The following CADM1 variants were observed in gnomAD, a reference collection of about 807,000 sequenced individuals.
CADM1 encodes the protein TSLC-1.
Under a neutral mutation model 53.1 loss-of-function variants are expected in CADM1, and 15 were observed. The observed-to-expected ratio is 0.28, with a 90% confidence interval of 0.19 to 0.44. The LOEUF (loss-of-function observed/expected upper bound fraction) is 0.44. Among genes scored for constraint, CADM1 ranks in the 20% least tolerant of loss-of-function variants. The pLI is 1.00. For synonymous variants in CADM1, 281 were observed against 243.0 expected (o/e 1.16, Z -1.45); for missense variants, 434 against 611.3 (o/e 0.71, Z 3.06).
At chr11:115,245,229 T>A (rs1942371945) in intron 1 of CADM1, among the ~76,000 whole-genome samples, 1 of 152,170 alleles carries the variant, frequency 6.6e-6, no homozygotes, top group African/African-American at 2.4e-5. Flanking sequence ...TTCTGCTCTA[T>A]GGAAGACTGA....
At chr11:115,266,497 G>A (rs1943144933) in intron 1 of CADM1, among the ~76,000 whole-genome samples, 1 of 152,220 alleles carries the variant, frequency 6.6e-6, no homozygotes, top group South Asian at 2.1e-4. Flanking sequence ...GGGCCACAGA[G>A]GAGGTTCAGT....
At chr11:115,453,750 C>T (rs950995537) in intron 1 of CADM1, among the ~76,000 whole-genome samples, 5 of 152,120 alleles carry the variant, frequency 3.3e-5, no homozygotes, top group African/African-American at 1.2e-4. Flanking sequence ...CTGCCCACCT[C>T]GCCCTCCCAA....
At chr11:115,424,925 G>A (rs1308064251) in intron 1 of CADM1, among the ~76,000 whole-genome samples, 2 of 152,114 alleles carry the variant, frequency 1.3e-5, no homozygotes, top group African/African-American at 4.8e-5. Flanking sequence ...ATATGCATCA[G>A]TATATAGTAT....
chr11:115,188,815 A>G (rs1939700224), intron 10 of CADM1, among the ~76,000 whole-genome samples: 2 of 152,112 alleles, frequency 1.3e-5, no homozygotes, highest in African/African-American at 2.4e-5. Flanking sequence ...CCCTTCAGTG[A>G]CCCATTTCAA....
At chr11:115,332,355 A>G (rs1434120864) in intron 1 of CADM1, among the ~76,000 whole-genome samples, 1 of 152,206 alleles carries the variant, frequency 6.6e-6, no homozygotes, top group Non-Finnish European at 1.5e-5. Flanking sequence ...GAGCAGATCT[A>G]TTAGGTGTGG....
intron 1 of CADM1, among the ~76,000 whole-genome samples, chr11:115,338,860 CTTCTT>C (rs1298290046): frequency 4.3e-5 from 5 of 115,210 alleles, no homozygotes; most frequent in Non-Finnish European, 1.0e-4. Flanking sequence ...TCTGTTCCAC[CTTCTT>C]TTATTTTTTT....
rs73572986 is a variant in CADM1 at position 115,375,074 on chromosome 11, T to A, written c.124+129197A>T. Among the ~76,000 whole-genome samples, 1,292 of 152,260 alleles carry A rather than the reference T, an allele frequency of 8.5e-3. 18 individuals are homozygous for A. Among genetic ancestry groups the A allele is most frequent in the African/African-American group, 0.028 (1,152 of 41,546 alleles). Reference sequence around the variant, plus strand: ...CTTTTAGAGATACATACTGAAATCTTGATGGAAAGATAGTACAATGTCTAT... The same window carrying A: ...CTTTTAGAGATACATACTGAAATCTAGATGGAAAGATAGTACAATGTCTAT... On this transcript the variant is annotated intron_variant, in intron 1 of 11. Coordinates refer to ENST00000331581, the MANE Select transcript of CADM1 (RefSeq NM_001301043.2).
intron 1 of CADM1, among the ~76,000 whole-genome samples, chr11:115,412,834 C>T (rs756853317): frequency 2.6e-5 from 4 of 152,074 alleles, no homozygotes; most frequent in African/African-American, 7.2e-5. Context: ...TAAACAGCCA[C>T]GCACCATAAT....
At chr11:115,436,096 G>T (rs1325081851) in intron 1 of CADM1, among the ~76,000 whole-genome samples, 6 of 152,118 alleles carry the variant, frequency 3.9e-5, no homozygotes, top group East Asian at 3.9e-4. Flanking sequence ...GATAACTACT[G>T]TTCTATTGCA....
Position 115,173,996 on chromosome 11 carries a change from A to G in CADM1, c.*2478T>C. ...ATACATTTCAAACAGTGCACTGTAT[A>G]CTTAAGAAAAAATACATAAACCAAT... is the stretch of plus-strand genomic sequence containing the variant. On this transcript the variant is annotated 3_prime_UTR_variant, in exon 12 of 12. Coordinates refer to ENST00000331581, the MANE Select transcript of CADM1 (RefSeq NM_001301043.2). 2.1e-6 allele frequency: 2 copies of G among 958,520 alleles called. No homozygotes were observed. Among genetic ancestry groups the G allele is most frequent in the South Asian group, 9.7e-5 (2 of 20,698 alleles). 59.4% of individuals were successfully genotyped at this position (958,520 alleles called of 1,614,324 possible). A position where few individuals can be genotyped will look rare whatever the true frequency, so the allele number is the denominator to read the frequency against.
Position 115,176,139 on chromosome 11 carries a change from G to A in CADM1, c.*335C>T. ...GGGAGGAAATAAATGTGCACAAAGG[G>A]GGAAAAGAAAGGAACGCAACAAACA... On this transcript the variant is annotated 3_prime_UTR_variant, in exon 12 of 12. Transcript: ENST00000331581. 4 of 1,157,306 alleles carry A rather than the reference G, an allele frequency of 3.5e-6. No individual in the cohort carries two copies. The highest frequency in any genetic ancestry group is 4.3e-6 in the Non-Finnish European group (4 of 928,290). 71.7% of individuals were successfully genotyped at this position (1,157,306 alleles called of 1,614,324 possible). A position where few individuals can be genotyped will look rare whatever the true frequency, so the allele number is the denominator to read the frequency against.
At chr11:115,393,296 C>G (rs1190526876) in intron 1 of CADM1, among the ~76,000 whole-genome samples, 1 of 151,268 alleles carries the variant, frequency 6.6e-6, no homozygotes, top group Non-Finnish European at 1.5e-5. Context: ...ATATTTTTCT[C>G]TGAGTGGTAG....
chr11:115,340,717 G>C (rs1945423773), intron 1 of CADM1, among the ~76,000 whole-genome samples: 3 of 129,928 alleles, frequency 2.3e-5, no homozygotes, highest in African/African-American at 8.9e-5. Context: ...CTGCAGTGTA[G>C]TGGCGCAACT....
chr11:115,347,101 T>C lies in CADM1; in HGVS notation c.125-106681A>G, dbSNP rs1045796484. 3.3e-5 allele frequency among the ~76,000 whole-genome samples: 5 copies of C among 152,178 alleles called. No individual in the cohort carries two copies. The South Asian group carries it at 1.0e-3, about 32-fold the overall frequency. The stretch of plus-strand genomic sequence containing the variant: ...GTACAAGTGAATAAAACAATCTTCA[T>C]TGCCAACACAACGCTCCAGGATAGA... On this transcript the variant is annotated intron_variant, in intron 1 of 11. Transcript: ENST00000331581.
intron 1 of CADM1, among the ~76,000 whole-genome samples, chr11:115,472,866 A>G (rs1447269000): frequency 6.6e-6 from 1 of 152,224 alleles, no homozygotes; most frequent in African/African-American, 2.4e-5. Context: ...CTGGTAATTA[A>G]TGGCCTAGAA....
At chr11:115,308,159 G>A (rs1374675877) in intron 1 of CADM1, among the ~76,000 whole-genome samples, 2 of 145,852 alleles carry the variant, frequency 1.4e-5, no homozygotes, top group Non-Finnish European at 3.0e-5. Context: ...GTGTGTGTGT[G>A]TGTGTGTGTG....
At chr11:115,246,084 C>A (rs1173864688) in intron 1 of CADM1, among the ~76,000 whole-genome samples, 2 of 152,164 alleles carry the variant, frequency 1.3e-5, no homozygotes, top group African/African-American at 4.8e-5. Context: ...GAACCAGGGT[C>A]CAAAGAGAGG....
intron 1 of CADM1, among the ~76,000 whole-genome samples, chr11:115,273,627 A>G (rs1041137191): frequency 2.6e-5 from 4 of 152,124 alleles, no homozygotes; most frequent in Non-Finnish European, 4.4e-5. Flanking sequence ...TTAAGTCTTT[A>G]TCATCGTGTT....
chr11:115,480,042 T>C (rs1018874686), intron 1 of CADM1, among the ~76,000 whole-genome samples: 2 of 152,226 alleles, frequency 1.3e-5, no homozygotes, highest in Non-Finnish European at 2.9e-5. Context: ...ATCTTTAAAA[T>C]TATAAAGTTT....
Sources: gnomAD v4.1 joint callset for allele counts (sites outside exome capture counted in the v4.1 genomes callset) on GRCh38, gnomAD v4.1.1 for gene constraint, MANE v1.5 for transcripts, NCBI Gene and HGNC (gene_info 2026-07-23, HGNC 2026-07-21) for gene names.